The following SEMA3A variants were observed in gnomAD, a reference collection of about 807,000 sequenced individuals.
The protein encoded by SEMA3A is semaphorin 3A, also known as semaphorin-3A.
In SEMA3A, 29 loss-of-function variants were observed where a neutral mutation model predicts 97.9. That is an observed-to-expected ratio of 0.30 (90% confidence interval 0.22 to 0.40). The LOEUF is 0.40. SEMA3A is among the 10% of genes least tolerant of loss of function. The pLI is 1.00. For synonymous variants in SEMA3A, 321 were observed against 323.7 expected, an observed-to-expected ratio of 0.99 and a Z score of 0.09; for missense variants, 763 against 951.3, an observed-to-expected ratio of 0.80 and a Z score of 2.60.
chr7:84,100,078 T>A (rs1794911363), intron 4 of SEMA3A, among the ~76,000 whole-genome samples: 1 of 152,156 alleles, frequency 6.6e-6, no homozygotes, highest in African/African-American at 2.4e-5. Context: ...CATTTATGTT[T>A]TTCTCCTTCC....
At chr7:84,432,815 A>G (rs1730305747) in intron 1 of SEMA3A, among the ~76,000 whole-genome samples, 2 of 150,064 alleles carry the variant, frequency 1.3e-5, no homozygotes, top group Non-Finnish European at 3.0e-5. Flanking sequence ...TTGATTCCAT[A>G]TCTTTGCTAT....
chr7:84,430,018 A>G (rs1804939159), intron 1 of SEMA3A, among the ~76,000 whole-genome samples: 1 of 152,012 alleles, frequency 6.6e-6, no homozygotes, highest in African/African-American at 2.4e-5. Context: ...TTTATCTTCA[A>G]ACTAAGTAAA....
intron 3 of SEMA3A, among the ~76,000 whole-genome samples, chr7:84,291,935 C>A (rs554724078): frequency 6.6e-6 from 1 of 152,112 alleles, no homozygotes; most frequent in Non-Finnish European, 1.5e-5. Context: ...TTGAAGTGTG[C>A]CCAGTGCATA....
chr7:84,046,465 T>C (rs768146141), intron 5 of SEMA3A, 22 bp from the exon 6 acceptor site: 5 of 1,611,616 alleles, frequency 3.1e-6, no homozygotes, highest in Non-Finnish European at 4.2e-6. Context: ...CAAAACCACA[T>C]ACACATTCTT....
At chr7:84,429,581 T>C in intron 1 of SEMA3A, among the ~76,000 whole-genome samples, 1 of 112,084 alleles carries the variant, frequency 8.9e-6, no homozygotes, top group African/African-American at 3.7e-5. Flanking sequence ...GAGGTTAAAA[T>C]CGTATCTAGT....
Position 84,313,351 on chromosome 7 carries a change from T to C in SEMA3A, c.-168-6059A>G, listed in dbSNP as rs1398309069. On this transcript the variant is annotated intron_variant, in intron 2 of 3. Coordinates refer to the SEMA3A transcript ENST00000424555. ...ATACATATATATATATGTATATGTGTGTGTGTATATATATATATATATATA... is the reference window on the plus strand; with the variant it reads ...ATACATATATATATATGTATATGTGCGTGTGTATATATATATATATATATA... Among the ~76,000 whole-genome samples, 5 of 20,366 alleles carry C rather than the reference T, an allele frequency of 2.5e-4. No homozygotes were observed. The East Asian group carries it at 9.7e-3, about 40-fold the overall frequency. The allele number at this position is 20,366 out of a possible 152,430, so 13.4% of individuals were successfully genotyped here.
chr7:84,118,726 T>C (rs1472526956), intron 3 of SEMA3A, among the ~76,000 whole-genome samples: 1 of 152,238 alleles, frequency 6.6e-6, no homozygotes, highest in East Asian at 1.9e-4. Context: ...GTCTCAGTTC[T>C]CCTTGCTCTT....
intron 2 of SEMA3A, among the ~76,000 whole-genome samples, chr7:84,352,992 G>T (rs878927937): frequency 1.3e-5 from 2 of 151,738 alleles, no homozygotes; most frequent in Admixed American, 1.3e-4. Flanking sequence ...TGAGGGATTG[G>T]TTCAGGACTT....
chr7:84,012,661 G>T (rs768691567), intron 7 of SEMA3A, among the ~76,000 whole-genome samples: 5 of 152,150 alleles, frequency 3.3e-5, no homozygotes, highest in Non-Finnish European at 5.9e-5. Flanking sequence ...AACACGTTGA[G>T]AAAATATTTG....
chr7:84,365,180 T>C (rs878868049), intron 2 of SEMA3A, among the ~76,000 whole-genome samples: 1 of 151,732 alleles, frequency 6.6e-6, no homozygotes, highest in Non-Finnish European at 1.5e-5. Context: ...AAATAAATGA[T>C]GTTGTGACAA....
chr7:84,341,063 GC>G (rs1802157048), intron 2 of SEMA3A, among the ~76,000 whole-genome samples: 1 of 152,048 alleles, frequency 6.6e-6, no homozygotes, highest in African/African-American at 2.4e-5. Flanking sequence ...CATGTACAAA[GC>G]AAAACAAAGA....
chr7:83,973,564 G>A (rs2116293006), intron 15 of SEMA3A, among the ~76,000 whole-genome samples: 1 of 152,196 alleles, frequency 6.6e-6, no homozygotes, highest in Middle Eastern at 3.4e-3. Flanking sequence ...ACTGGAAGAG[G>A]CTAAGACACA....
At chr7:84,064,293 T>G (rs1315663226) in intron 4 of SEMA3A, among the ~76,000 whole-genome samples, 1 of 151,184 alleles carries the variant, frequency 6.6e-6, no homozygotes, top group Non-Finnish European at 1.5e-5. Context: ...AAGGAACAAC[T>G]GGTACCAGCC....
At chr7:84,232,581 T>C (rs982070952) in intron 3 of SEMA3A, among the ~76,000 whole-genome samples, 7 of 151,874 alleles carry the variant, frequency 4.6e-5, no homozygotes, top group African/African-American at 1.4e-4. Context: ...CTTTTGGTTT[T>C]AATTATATTT....
chr7:84,301,660 G>T (rs1431988335), intron 3 of SEMA3A, among the ~76,000 whole-genome samples: 3 of 152,078 alleles, frequency 2.0e-5, no homozygotes, highest in African/African-American at 7.2e-5. Context: ...AGGCCATAAG[G>T]TCTCTTTCAC....
At position 84,244,942 on chromosome 7, in the gene SEMA3A, C is replaced by T. The variant is rs535625505; in HGVS notation, c.-82-50274G>A. On this transcript the variant is annotated intron_variant, in intron 3 of 3. Transcript: ENST00000424555. ...CACTTTCTTCTGGATCCTAGGGTTT[C>T]TGCAGAGAGATCCACTGTTAGTCTG... Among the ~76,000 whole-genome samples, 205 of 152,276 alleles carry T rather than the reference C, an allele frequency of 1.3e-3. 1 individual carries two copies. Among genetic ancestry groups the T allele is most frequent in the Admixed American group, 9.2e-4 (14 of 15,294 alleles).
At chr7:84,253,211 G>C (rs1799647567) in intron 3 of SEMA3A, among the ~76,000 whole-genome samples, 1 of 152,102 alleles carries the variant, frequency 6.6e-6, no homozygotes, top group South Asian at 2.1e-4. Flanking sequence ...TTCTACAAAG[G>C]CCTGGTTAAG....
At chr7:84,166,591 G>A (rs1797214033) in intron 1 of SEMA3A, among the ~76,000 whole-genome samples, 1 of 150,132 alleles carries the variant, frequency 6.7e-6, no homozygotes, top group African/African-American at 2.5e-5. Context: ...AAAAATTGCC[G>A]GGGGGGCGCA....
intron 1 of SEMA3A, among the ~76,000 whole-genome samples, chr7:84,393,888 C>T (rs1803656414): frequency 6.6e-6 from 1 of 152,000 alleles, no homozygotes; most frequent in Non-Finnish European, 1.5e-5. Flanking sequence ...ACTTTCTTGC[C>T]CCAAGACAAT....
Sources: gnomAD v4.1 joint callset for allele counts (sites outside exome capture counted in the v4.1 genomes callset) on GRCh38, gnomAD v4.1.1 for gene constraint, MANE v1.5 for transcripts, NCBI Gene and HGNC (gene_info 2026-07-23, HGNC 2026-07-21) for gene names.